Variants in CDK14 observed in about 807,000 individuals in gnomAD.
CDK14 encodes cyclin-dependent kinase 14.
A neutral mutation model predicts 60.7 loss-of-function variants in CDK14; 34 were observed. The ratio of observed to expected loss-of-function variants is 0.56; its 90% CI spans 0.43 to 0.75. CDK14 has a LOEUF of 0.75. CDK14 is among the 30% of genes least tolerant of loss of function. The pLI, the probability that CDK14 is intolerant of heterozygous loss-of-function variation, is 0.00. For missense variants in CDK14, 482 were observed against 564.1 expected (o/e 0.85, Z 1.47); for synonymous variants, 197 against 203.7 (o/e 0.97, Z 0.28).
chr7:90,963,700 C>T (rs201975857), intron 9 of CDK14, among the ~76,000 whole-genome samples: 111 of 120,804 alleles, frequency 9.2e-4, no homozygotes, highest in East Asian at 1.4e-3. Flanking sequence ...TTTCTTTTTT[C>T]TTTTTCTTTT....
At chr7:91,168,505 C>A (rs978271700) in intron 14 of CDK14, among the ~76,000 whole-genome samples, 1 of 152,014 alleles carries the variant, frequency 6.6e-6, no homozygotes, top group African/African-American at 2.4e-5. Context: ...CCTTACTTGC[C>A]AGGCATGATG....
intron 12 of CDK14, among the ~76,000 whole-genome samples, chr7:91,091,607 T>C (rs1035159569): frequency 6.8e-6 from 1 of 147,758 alleles, no homozygotes; most frequent in Non-Finnish European, 1.5e-5. Context: ...ATGCAGAGGT[T>C]GCAGTGAGCC....
chr7:90,750,518 T>C (rs1803795004), intron 4 of CDK14, among the ~76,000 whole-genome samples: 2 of 152,142 alleles, frequency 1.3e-5, no homozygotes, highest in Admixed American at 1.3e-4. Flanking sequence ...GAAGGAGATA[T>C]AACATCTTAA....
At chr7:90,957,593 C>A (rs1167314645) in intron 9 of CDK14, among the ~76,000 whole-genome samples, 1 of 152,064 alleles carries the variant, frequency 6.6e-6, no homozygotes, top group African/African-American at 2.4e-5. Context: ...GAGTGAACTC[C>A]CGTTCACAAT....
chr7:90,822,771 A>G (rs537354135), intron 5 of CDK14, among the ~76,000 whole-genome samples: 1 of 152,350 alleles, frequency 6.6e-6, no homozygotes, highest in South Asian at 2.1e-4. Flanking sequence ...GATGGACAAA[A>G]CTAATATCTG....
chr7:90,836,410 AG>A (rs1790100682), intron 5 of CDK14, among the ~76,000 whole-genome samples: 1 of 152,126 alleles, frequency 6.6e-6, no homozygotes, highest in East Asian at 1.9e-4. Flanking sequence ...AAACACACAC[AG>A]TAGCCTTGGA....
intron 11 of CDK14, among the ~76,000 whole-genome samples, chr7:91,050,106 G>A (rs1047682251): frequency 6.6e-6 from 1 of 152,210 alleles, no homozygotes; most frequent in Non-Finnish European, 1.5e-5. Context: ...GGAGTGGAGG[G>A]CTGATAATGA....
intron 3 of CDK14, among the ~76,000 whole-genome samples, chr7:90,729,271 T>C (rs1802757312): frequency 6.6e-6 from 1 of 151,390 alleles, no homozygotes. Context: ...AGTTTGTGAG[T>C]ATTTTTGGGA....
intron 5 of CDK14, among the ~76,000 whole-genome samples, chr7:90,830,796 A>G (rs907701120): frequency 1.3e-5 from 2 of 152,162 alleles, no homozygotes; most frequent in African/African-American, 4.8e-5. Context: ...ATTTTGCCAG[A>G]TATCCTAATT....
At chr7:91,082,019 A>G (rs887770857) in intron 12 of CDK14, among the ~76,000 whole-genome samples, 4 of 152,182 alleles carry the variant, frequency 2.6e-5, no homozygotes, top group Non-Finnish European at 2.9e-5. Context: ...TTATAAAAAC[A>G]TGTACTGTTT....
chr7:90,753,935 T>A (rs1803950944), intron 4 of CDK14, among the ~76,000 whole-genome samples: 1 of 152,168 alleles, frequency 6.6e-6, no homozygotes, highest in Non-Finnish European at 1.5e-5. Flanking sequence ...AGGTTAAAGA[T>A]CTCTGCAAGG....
At chr7:90,922,455 G>A (rs1403899720) in intron 8 of CDK14, among the ~76,000 whole-genome samples, 2 of 151,920 alleles carry the variant, frequency 1.3e-5, no homozygotes, top group Non-Finnish European at 2.9e-5. Context: ...TCTAGGGAAT[G>A]TCATTAAAAC....
intron 2 of CDK14, 157 bp from the exon 3 acceptor site, chr7:90,726,410 T>G: frequency 8.0e-7 from 1 of 1,242,420 alleles, no homozygotes; most frequent in South Asian, 1.6e-5. Flanking sequence ...AGGATTTTTT[T>G]GTACTGTAAT....
intron 2 of CDK14, among the ~76,000 whole-genome samples, chr7:90,623,546 A>G (rs1799817602): frequency 6.6e-6 from 1 of 152,204 alleles, no homozygotes; most frequent in African/African-American, 2.4e-5. Context: ...ATTTTAAGGT[A>G]TTAGTTGTTT....
At chr7:91,169,189 G>A (rs1180056774) in intron 14 of CDK14, among the ~76,000 whole-genome samples, 3 of 152,154 alleles carry the variant, frequency 2.0e-5, no homozygotes, top group Non-Finnish European at 1.5e-5. Context: ...ACAGCTCACC[G>A]GCGTGATACC....
chr7:91,009,329 C>G (rs962375249), intron 10 of CDK14, among the ~76,000 whole-genome samples: 2 of 152,142 alleles, frequency 1.3e-5, no homozygotes, highest in African/African-American at 4.8e-5. Flanking sequence ...AGTAAAACTG[C>G]TGTGAACATT....
At chr7:90,825,962 T>G (rs2374366) in intron 5 of CDK14, among the ~76,000 whole-genome samples, 111,377 of 152,128 alleles carry the variant, frequency 0.73, 41,080 homozygotes, top group East Asian at 0.89. Context: ...TAGTCATCTG[T>G]ATAGAAATTT....
chr7:91,096,260 T>C (rs34156517), intron 12 of CDK14, among the ~76,000 whole-genome samples: 15,240 of 152,162 alleles, frequency 0.1, 996 homozygotes, highest in Non-Finnish European at 0.15. Context: ...TATAAAAGAT[T>C]GCATCTCCTG....
At chr7:91,198,170 A>G (rs543650123) in intron 14 of CDK14, among the ~76,000 whole-genome samples, 1 of 152,330 alleles carries the variant, frequency 6.6e-6, no homozygotes, top group East Asian at 1.9e-4. Flanking sequence ...GTGTCCTCAC[A>G]AGAATAGATA....
Sources: allele counts gnomAD v4.1 joint callset (sites outside exome capture counted in the v4.1 genomes callset), GRCh38; gene constraint gnomAD v4.1.1; transcripts MANE v1.5; gene names NCBI Gene and HGNC (gene_info 2026-07-23, HGNC 2026-07-21).